The following RALGPS1 variants were observed in gnomAD, a reference collection of about 807,000 sequenced individuals.
RALGPS1 encodes the protein ras-specific guanine nucleotide-releasing factor RalGPS1.
Under a neutral mutation model 78.8 loss-of-function variants are expected in RALGPS1, and 19 were observed. That is an observed-to-expected ratio of 0.24 (90% CI 0.17 to 0.35). RALGPS1 has a LOEUF of 0.35. RALGPS1 is among the 10% of genes least tolerant of loss of function. The pLI, the probability that RALGPS1 is intolerant of heterozygous loss-of-function variation, is 1.00. For synonymous variants in RALGPS1, 228 were observed against 256.3 expected, an observed-to-expected ratio of 0.89 and a Z score of 1.06; for missense variants, 454 against 688.3, an observed-to-expected ratio of 0.66 and a Z score of 3.81.
intron 4 of RALGPS1, among the ~76,000 whole-genome samples, chr9:126,984,926 A>G (rs1425684631): frequency 6.6e-6 from 1 of 152,266 alleles, no homozygotes; most frequent in Non-Finnish European, 1.5e-5. Context: ...GGCCTTTGCC[A>G]TGGACAGAGC....
rs1274141313 is a variant in RALGPS1 at position 127,223,155 on chromosome 9, T to G, written c.*4386T>G. On this transcript the variant is annotated 3_prime_UTR_variant, in exon 19 of 19. Coordinates refer to ENST00000259351, the MANE Select transcript of RALGPS1 (RefSeq NM_014636.3). ...TTTGTTTACTTTGAAATTAAATGTG[T>G]TTTCCAATGAATGTTGCTCAGTTTA... is the stretch of plus-strand genomic sequence containing the variant. 6.6e-6 allele frequency: 1 copy of G among 152,652 alleles called. No individual in the cohort carries two copies. The highest frequency in any genetic ancestry group is 2.4e-5 in the African/African-American group (1 of 41,446). The allele number at this position is 152,652 out of a possible 1,614,324, so 9.5% of individuals were successfully genotyped here. A position where few individuals can be genotyped will look rare whatever the true frequency, so the allele number is the denominator to read the frequency against.
chr9:126,978,091 G>C (rs1588779872), intron 4 of RALGPS1: 1 of 188,378 alleles, frequency 5.3e-6, no homozygotes, highest in East Asian at 1.3e-4. Context: ...CATTTTTCTG[G>C]AAAGTTCTCT....
chr9:126,974,364 GTGCGCCCTCC>G, intron 3 of RALGPS1, among the ~76,000 whole-genome samples: 1 of 152,220 alleles, frequency 6.6e-6, no homozygotes, highest in African/African-American at 2.4e-5. Context: ...ACTCTGTTCT[GTGCGCCCTCC>G]TGGCCATGCC....
intron 1 of RALGPS1, among the ~76,000 whole-genome samples, chr9:126,955,330 C>T (rs2038240272): frequency 6.6e-6 from 1 of 152,156 alleles, no homozygotes; most frequent in Non-Finnish European, 1.5e-5. Context: ...GAAAAAATGA[C>T]ATTCATTAAC....
intron 7 of RALGPS1, among the ~76,000 whole-genome samples, chr9:127,062,101 GT>G (rs927109802): frequency 3.0e-4 from 45 of 151,234 alleles, no homozygotes; most frequent in Non-Finnish European, 5.5e-4. Flanking sequence ...TTTTTTTGTT[GT>G]TTTTTTTTGT....
At chr9:126,977,826 CA>C in intron 4 of RALGPS1, 81 bp downstream of exon 4, 3 of 939,478 alleles carry the variant, frequency 3.2e-6, no homozygotes, top group Non-Finnish European at 4.9e-6. Flanking sequence ...TAGAGTGTCT[CA>C]GTTTCTCTCT....
At chr9:127,167,607 C>T (rs568958130) in intron 9 of RALGPS1, among the ~76,000 whole-genome samples, 1 of 152,354 alleles carries the variant, frequency 6.6e-6, no homozygotes, top group South Asian at 2.1e-4. Flanking sequence ...TTCACCTTCA[C>T]CTGCGTCATC....
At chr9:126,983,654 C>T (rs776274413) in intron 4 of RALGPS1, among the ~76,000 whole-genome samples, 1 of 152,146 alleles carries the variant, frequency 6.6e-6, no homozygotes, top group Non-Finnish European at 1.5e-5. Context: ...TTGGTTGTTA[C>T]GTTTCTCAAA....
At position 126,960,487 on chromosome 9, in the gene RALGPS1, G is replaced by A. The variant is rs191702282; in HGVS notation, c.-65-1738G>A. 2.4e-4 allele frequency among the ~76,000 whole-genome samples: 36 copies of A among 152,014 alleles called. No homozygotes were observed. The East Asian group carries it at 6.0e-3, about 25-fold the overall frequency. On this transcript the variant is annotated intron_variant, in intron 1 of 18. Coordinates refer to ENST00000259351, the MANE Select transcript of RALGPS1 (RefSeq NM_014636.3). ...GACTTCAAGTGATCTGCCCACCTCA[G>A]CCTCCCAAAGTGCTGGGATTACAGG...
chr9:127,198,692 A>G (rs890711465), intron 13 of RALGPS1, among the ~76,000 whole-genome samples: 2 of 152,184 alleles, frequency 1.3e-5, no homozygotes, highest in Non-Finnish European at 2.9e-5. Context: ...CACTTGGGCC[A>G]GAAGGGAGGC....
chr9:127,063,816 A>G (rs1372257912), intron 7 of RALGPS1, among the ~76,000 whole-genome samples: 2 of 152,246 alleles, frequency 1.3e-5, no homozygotes, highest in African/African-American at 4.8e-5. Flanking sequence ...TAAATAGTCC[A>G]TTATCTTGGC....
At chr9:126,995,213 C>T (rs1428878575) in intron 4 of RALGPS1, among the ~76,000 whole-genome samples, 1 of 152,050 alleles carries the variant, frequency 6.6e-6, no homozygotes, top group Non-Finnish European at 1.5e-5. Context: ...GCTAAATGCT[C>T]CAATTAAAAG....
At chr9:127,190,587 T>C (rs2060972134) in intron 11 of RALGPS1, among the ~76,000 whole-genome samples, 2 of 152,244 alleles carry the variant, frequency 1.3e-5, no homozygotes, top group Non-Finnish European at 2.9e-5. Flanking sequence ...GTAGATGCAG[T>C]TTCTTCTCTT....
intron 11 of RALGPS1, among the ~76,000 whole-genome samples, chr9:127,185,317 G>T (rs756779912): frequency 6.6e-6 from 1 of 152,182 alleles, no homozygotes; most frequent in South Asian, 2.1e-4. Flanking sequence ...CTGTCAACCC[G>T]AGTCTGTGCA....
At chr9:127,146,420 A>G (rs1380414740) in intron 8 of RALGPS1, among the ~76,000 whole-genome samples, 1 of 152,108 alleles carries the variant, frequency 6.6e-6, no homozygotes, top group Non-Finnish European at 1.5e-5. Context: ...ATGGCTGTAT[A>G]GTATTCCATG....
intron 9 of RALGPS1, among the ~76,000 whole-genome samples, chr9:127,167,541 C>G (rs979032174): frequency 6.6e-6 from 1 of 152,204 alleles, no homozygotes; most frequent in Non-Finnish European, 1.5e-5. Flanking sequence ...CATGCAGAGC[C>G]CTTAGCACAG....
intron 12 of RALGPS1, 39 bp from the exon 13 acceptor site, chr9:127,196,435 T>C (rs1257095375): frequency 6.3e-7 from 1 of 1,588,786 alleles, no homozygotes; most frequent in East Asian, 2.2e-5. Context: ...ACTCCATAGA[T>C]AAGGAGCTTT....
chr9:127,062,490 G>A (rs2049309521), intron 7 of RALGPS1, among the ~76,000 whole-genome samples: 1 of 152,152 alleles, frequency 6.6e-6, no homozygotes, highest in African/African-American at 2.4e-5. Context: ...GATTAAGAGA[G>A]AACCAGTAAG....
chr9:127,174,633 A>G (rs548953071), intron 10 of RALGPS1, 82 bp from the exon 11 acceptor site: 20 of 1,224,654 alleles, frequency 1.6e-5, no homozygotes, highest in East Asian at 1.6e-4. Context: ...TTCTGTGACT[A>G]TAGTAGCTTT....
Sources: allele counts gnomAD v4.1 joint callset (sites outside exome capture counted in the v4.1 genomes callset), GRCh38; gene constraint gnomAD v4.1.1; transcripts MANE v1.5; gene names NCBI Gene and HGNC (gene_info 2026-07-23, HGNC 2026-07-21).